ZMYND8: variants seen among roughly 807,000 people sequenced by gnomAD.
ZMYND8 encodes zinc finger MYND-type containing 8, also known as MYND-type zinc finger-containing chromatin reader ZMYND8.
Under a neutral mutation model 140.8 loss-of-function variants are expected in ZMYND8, and 37 were observed. The ratio of observed to expected loss-of-function variants is 0.26; its 90% confidence interval spans 0.20 to 0.35. ZMYND8 has a LOEUF of 0.35. Among genes scored for constraint, ZMYND8 ranks in the 10% least tolerant of loss-of-function variants. The pLI is 1.00. For synonymous variants in ZMYND8, 592 were observed against 597.1 expected (o/e 0.99, Z 0.12); for missense variants, 1,068 against 1,570.0 (o/e 0.68, Z 5.40).
intron 2 of ZMYND8, among the ~76,000 whole-genome samples, chr20:47,340,531 C>T (rs1026026666): frequency 7.3e-5 from 11 of 151,584 alleles, no homozygotes; most frequent in Non-Finnish European, 1.3e-4. Flanking sequence ...TGGTGGCTCA[C>T]GCCTACAATC....
chr20:47,345,896 G>T (rs1462356549), intron 2 of ZMYND8, among the ~76,000 whole-genome samples: 1 of 151,972 alleles, frequency 6.6e-6, no homozygotes, highest in Non-Finnish European at 1.5e-5. Context: ...GGCCTCAACT[G>T]ATCCTCCCAC....
intron 19 of ZMYND8, 140 bp downstream of exon 19, chr20:47,224,177 C>G: frequency 7.1e-7 from 1 of 1,400,068 alleles, no homozygotes; most frequent in Admixed American, 2.2e-5. Flanking sequence ...GTGTGTAAGA[C>G]ACAATTGTTT....
At chr20:47,311,876 T>A (rs2078961300) in intron 2 of ZMYND8, among the ~76,000 whole-genome samples, 1 of 151,980 alleles carries the variant, frequency 6.6e-6, no homozygotes, top group African/African-American at 2.4e-5. Flanking sequence ...GTCTCAAAAA[T>A]AATAATAAAA....
At chr20:47,256,247 A>G (rs1456917302) in intron 12 of ZMYND8, among the ~76,000 whole-genome samples, 3 of 152,038 alleles carry the variant, frequency 2.0e-5, no homozygotes, top group African/African-American at 7.2e-5. Flanking sequence ...TGGGAGGCTG[A>G]GGCAGGAGGA....
At chr20:47,245,058 C>T (rs74275244) in intron 14 of ZMYND8, among the ~76,000 whole-genome samples, 2 of 151,782 alleles carry the variant, frequency 1.3e-5, no homozygotes, top group Admixed American at 1.3e-4. Flanking sequence ...ATTCTGTCCG[C>T]CCCCCCTCCC....
chr20:47,256,391 G>A (rs561870567), intron 12 of ZMYND8, among the ~76,000 whole-genome samples: 163 of 152,248 alleles, frequency 1.1e-3, no homozygotes, highest in Non-Finnish European at 2.0e-3. Context: ...AGGCCGAGGC[G>A]AGTGGATCAC....
Position 47,290,172 on chromosome 20 carries a change from A to T in ZMYND8, c.748+15T>A. ...CACAGCATACTCTTTCTTAGGAGTC[A>T]TCTAAGCCACTCACCCCCATTATAA... On this transcript the variant is annotated intron_variant, in intron 7 of 22. Coordinates refer to ENST00000471951, the MANE Select transcript of ZMYND8 (RefSeq NM_001281775.3). 6.2e-7 allele frequency: 1 copy of T among 1,612,140 alleles called. No homozygotes were observed. Among genetic ancestry groups the T allele is most frequent in the Non-Finnish European group, 8.5e-7 (1 of 1,179,066 alleles).
chr20:47,318,788 G>A (rs1187757030), intron 2 of ZMYND8: 1 of 504,274 alleles, frequency 2.0e-6, no homozygotes, highest in African/African-American at 2.0e-5. Context: ...AAATCAACAG[G>A]AACTTCTCAT....
At chr20:47,278,646 AAC>A (rs1271876531) in intron 10 of ZMYND8, among the ~76,000 whole-genome samples, 2 of 152,108 alleles carry the variant, frequency 1.3e-5, no homozygotes, top group African/African-American at 4.8e-5. Context: ...CACAAACTAA[AAC>A]TAAACACCCC....
intron 4 of ZMYND8, among the ~76,000 whole-genome samples, chr20:47,297,988 T>C (rs894015800): frequency 6.6e-6 from 1 of 152,318 alleles, no homozygotes; most frequent in Admixed American, 6.5e-5. Flanking sequence ...AATGGCTGCA[T>C]GGCTCACTCC....
intron 2 of ZMYND8, among the ~76,000 whole-genome samples, chr20:47,341,694 C>G (rs1157913666): frequency 6.6e-6 from 1 of 151,958 alleles, no homozygotes; most frequent in Admixed American, 6.6e-5. Flanking sequence ...CATAGTGAAA[C>G]CCCATCTCTA....
At chr20:47,256,484 G>T (rs1376239549) in intron 12 of ZMYND8, among the ~76,000 whole-genome samples, 1 of 152,140 alleles carries the variant, frequency 6.6e-6, no homozygotes, top group Non-Finnish European at 1.5e-5. Context: ...GCCAGGCATG[G>T]TGGCGGGCAC....
intron 10 of ZMYND8, among the ~76,000 whole-genome samples, chr20:47,279,709 G>A (rs2147838021): frequency 6.7e-6 from 1 of 150,220 alleles, no homozygotes; most frequent in African/African-American, 2.4e-5. Flanking sequence ...CTACAAAAAA[G>A]CACTTAAAAC....
Position 47,238,911 on chromosome 20 carries a change from C to T in ZMYND8, c.2512G>A (p.Val838Met). Residue 838 changes from valine (V) to methionine (M), a missense_variant, in exon 15 of 23, where the codon GTG becomes ATG. Val to Met is a conservative substitution (Grantham distance 21). This residue lies in a region of ZMYND8 where 383 missense variants were observed against 431.2 expected (regional missense o/e 0.89). Transcript: ENST00000471951. ...KETAPAVQRVVWNSSSKFQTS... is the reference protein window; with the variant it reads ...KETAPAVQRVMWNSSSKFQTS... The stretch of plus-strand genomic sequence containing the variant: ...TGAAACTTACTTGATGAGTTCCACA[C>T]GACCCGCTGCACGGCCGGGGCAGTC... 2 of 1,614,124 alleles carry T rather than the reference C, an allele frequency of 1.2e-6. No individual in the cohort carries two copies. The highest frequency in any genetic ancestry group is 1.7e-6 in the Non-Finnish European group (2 of 1,180,048).
intron 11 of ZMYND8, among the ~76,000 whole-genome samples, chr20:47,265,170 T>C (rs1047716005): frequency 2.3e-4 from 35 of 152,106 alleles, no homozygotes; most frequent in Non-Finnish European, 4.9e-4. Flanking sequence ...AATTTGCAGC[T>C]GCTCAAATAT....
chr20:47,310,956 G>A (rs2078885993), intron 2 of ZMYND8, among the ~76,000 whole-genome samples: 2 of 152,090 alleles, frequency 1.3e-5, no homozygotes, highest in Non-Finnish European at 2.9e-5. Context: ...TCATCACACA[G>A]GGACCAGTAT....
chr20:47,324,315 G>A (rs868232559), intron 2 of ZMYND8, among the ~76,000 whole-genome samples: 5 of 151,700 alleles, frequency 3.3e-5, no homozygotes, highest in Non-Finnish European at 1.5e-5. Flanking sequence ...TCAGGAGTTC[G>A]AGACCAGCCA....
intron 11 of ZMYND8, among the ~76,000 whole-genome samples, chr20:47,264,227 CCGAG>C (rs1307598426): frequency 6.6e-6 from 1 of 152,158 alleles, no homozygotes; most frequent in Non-Finnish European, 1.5e-5. Flanking sequence ...TCAATTGGCG[CCGAG>C]CAAGTGCTCA....
Position 47,310,123 on chromosome 20 carries a change from T to C in ZMYND8, c.167A>G (p.Asp56Gly). 6.2e-7 allele frequency: 1 copy of C among 1,614,030 alleles called. No homozygotes were observed. Among genetic ancestry groups the C allele is most frequent in the Non-Finnish European group, 8.5e-7 (1 of 1,180,020 alleles). ...PHSSNGHSPQ[D>G]TSTSPIKKKK... is the part of the protein sequence containing the mutation. The stretch of plus-strand genomic sequence containing the variant: ...CTTTTTAATGGGGCTTGTTGATGTG[T>C]CCTGCGGCGAGTGGCCATTGGAAGA... The change falls in exon 3 of 23, where the codon GAC becomes GGC. Residue 56 changes from aspartate to glycine, a missense_variant. Physicochemically the swap from Asp to Gly is moderately conservative, Grantham distance 94 (BLOSUM62 -1). Around this residue, in one of 10 missense-constraint regions of ZMYND8, gnomAD observed 77 missense variants for 85.1 expected, o/e 0.91. Transcript: ENST00000471951.
Sources: allele counts gnomAD v4.1 joint callset (sites outside exome capture counted in the v4.1 genomes callset), GRCh38; gene constraint gnomAD v4.1.1; regional missense constraint gnomAD v4.1.1; transcripts MANE v1.5; gene names NCBI Gene and HGNC (gene_info 2026-07-23, HGNC 2026-07-21).